PTPN23: variants seen among roughly 807,000 people sequenced by gnomAD.
PTPN23 encodes the protein tyrosine-protein phosphatase non-receptor type 23.
Under a neutral mutation model 156.3 loss-of-function variants are expected in PTPN23, and 72 were observed. That is an observed-to-expected ratio of 0.46 (90% CI 0.38 to 0.56). The LOEUF is 0.56. Among genes scored for constraint, PTPN23 ranks in the 20% least tolerant of loss-of-function variants. The probability of loss-of-function intolerance (pLI) is 0.00; values close to 1 mark genes in which losing one functional copy is unlikely to be tolerated. For missense variants in PTPN23, 1,974 were observed against 2,171.5 expected (o/e 0.91, Z 1.81); for synonymous variants, 957 against 899.6 (o/e 1.06, Z -1.14).
chr3:47,398,687 C>A (rs1704930433), intron 2 of PTPN23, among the ~76,000 whole-genome samples: 1 of 152,104 alleles, frequency 6.6e-6, no homozygotes, highest in South Asian at 2.1e-4. Flanking sequence ...CACTGCAGCC[C>A]CCAAGTAGCT....
chr3:47,381,070 C>T lies in PTPN23; in HGVS notation c.-27C>T, dbSNP rs771726305. 3.1e-5 allele frequency: 48 copies of T among 1,554,260 alleles called. No homozygotes were observed. Among genetic ancestry groups the T allele is most frequent in the Non-Finnish European group, 4.1e-5 (47 of 1,148,488 alleles). On this transcript the variant is annotated 5_prime_UTR_variant, in exon 1 of 25. Transcript: ENST00000265562. ...GCAGCTGCAGCAGCTACGGGAGTGG[C>T]CGGGTGGCCGGCGGGTGCCAGCCGC...
intron 3 of PTPN23, 45 bp from the exon 4 acceptor site, chr3:47,404,960 T>C (rs1167165340): frequency 6.2e-7 from 1 of 1,607,060 alleles, no homozygotes; most frequent in Non-Finnish European, 8.5e-7. Context: ...CTCAGGGCCC[T>C]GGCTAGCTCC....
In PTPN23 at chr3:47,412,607, A is replaced by G. The variant is rs779654845; in HGVS notation, c.4411A>G (p.Ser1471Gly). ...GVPPPCKPLASASISQKNHLP... is the reference protein window; with the variant it reads ...GVPPPCKPLAGASISQKNHLP... ...GCCTCCTCCATGCAAACCCTTGGCC[A>G]GTGCAAGCATCAGCCAGAAGGTGAG... The change falls in exon 24 of 25, where the codon AGT becomes GGT. Residue 1471 changes from serine to glycine, a missense_variant. By Grantham distance (56) the Ser-to-Gly change is moderately conservative. This residue lies in a region of PTPN23 where 484 missense variants were observed against 516.0 expected (regional missense o/e 0.94). Transcript: ENST00000265562. 1.9e-6 allele frequency: 3 copies of G among 1,613,380 alleles called. No homozygotes were observed. The highest frequency in any genetic ancestry group is 2.5e-6 in the Non-Finnish European group (3 of 1,179,848).
At position 47,410,242 on chromosome 3, in the gene PTPN23, T is replaced by C. The variant is rs748624301; in HGVS notation, c.2444T>C (p.Val815Ala). The change falls in exon 20 of 25, where the codon GTA (valine) becomes GCA (alanine). Residue 815 changes from valine to alanine, a missense_variant. Physicochemically the swap from Val to Ala is moderately conservative, Grantham distance 64. Coordinates refer to ENST00000265562, the MANE Select transcript of PTPN23 (RefSeq NM_015466.4). ...GCCCCAGGGCCCCATGCAATGCCCG[T>C]AGCACCTGGGCCTGCCCTCTACCCA... is the stretch of plus-strand genomic sequence containing the variant. ...PRAPGPHAMP[V>A]APGPALYPAP... The C allele has an allele frequency of 1.4e-5, 23 of 1,611,048 alleles. No individual in the cohort carries two copies. In the Middle Eastern group the frequency reaches 1.6e-3, roughly 115 times the overall value.
At position 47,381,183 on chromosome 3, in the gene PTPN23, G is replaced by A. The variant is rs771810583; in HGVS notation, c.84+3G>A. 2.5e-6 allele frequency: 4 copies of A among 1,579,784 alleles called. No homozygotes were observed. The highest frequency in any genetic ancestry group is 2.6e-6 in the Non-Finnish European group (3 of 1,163,452). ...ACTTCCAGCCAGCTGTGAAGAAGGT[G>A]AGCTTGCCTTCCATCTTCCCCCCTA... On this transcript the variant is annotated splice_donor_region_variant and intron_variant, in intron 1 of 24. Transcript: ENST00000265562.
chr3:47,387,570 CA>C (rs10548678), intron 1 of PTPN23, among the ~76,000 whole-genome samples: 60,530 of 135,156 alleles, frequency 0.45, 13,268 homozygotes, highest in African/African-American at 0.56. Context: ...GACCCTGTCT[CA>C]AAAAAAAAAA....
At position 47,411,985 on chromosome 3, in the gene PTPN23, G is replaced by A. The variant is rs773234709; in HGVS notation, c.4073+18G>A. The stretch of plus-strand genomic sequence containing the variant: ...CCTGAGTTGTGAGTCCACTGCTCTG[G>A]ATGGTGGTTGGGGGTCTAAGTGCTG... On this transcript the variant is annotated intron_variant, in intron 21 of 24. Transcript: ENST00000265562. This position sits in a 1 kb window ranked among gnomAD's most constrained non-coding sequence, Gnocchi z 6.3. 2 of 1,608,008 alleles carry A rather than the reference G, an allele frequency of 1.2e-6. No homozygotes were observed. Among genetic ancestry groups the A allele is most frequent in the Non-Finnish European group, 1.7e-6 (2 of 1,176,636 alleles).
chr3:47,381,075 T>C lies in PTPN23; in HGVS notation c.-22T>C. 1 of 1,557,000 alleles carries C rather than the reference T, an allele frequency of 6.4e-7. No homozygotes were observed. Among genetic ancestry groups the C allele is most frequent in the Non-Finnish European group, 8.7e-7 (1 of 1,151,220 alleles). On this transcript the variant is annotated 5_prime_UTR_variant, in exon 1 of 25. Coordinates refer to ENST00000265562, the MANE Select transcript of PTPN23 (RefSeq NM_015466.4). ...TGCAGCAGCTACGGGAGTGGCCGGG[T>C]GGCCGGCGGGTGCCAGCCGCCATGG... is the stretch of plus-strand genomic sequence containing the variant.
chr3:47,413,219 C>CATCA lies in PTPN23; in HGVS notation c.*35_*38dup, dbSNP rs757768995. On this transcript the variant is annotated 3_prime_UTR_variant, in exon 25 of 25. Coordinates refer to ENST00000265562, the MANE Select transcript of PTPN23 (RefSeq NM_015466.4). The stretch of plus-strand genomic sequence containing the variant: ...TGCCTACCTGGTCCTTACACTACAT[C>CATCA]ATCATCATCTCATGCCCACCTGCCC... 4 of 1,566,276 alleles carry CATCA rather than the reference C, an allele frequency of 2.6e-6. No homozygotes were observed. The highest frequency in any genetic ancestry group is 1.8e-5 in the Admixed American group (1 of 56,216).
chr3:47,402,666 T>G (rs1380779149), intron 2 of PTPN23, among the ~76,000 whole-genome samples: 1 of 152,196 alleles, frequency 6.6e-6, no homozygotes, highest in Non-Finnish European at 1.5e-5. Context: ...GTGTACAGTC[T>G]TCTGAATTTT....
At chr3:47,399,119 C>G (rs1704941165) in intron 2 of PTPN23, among the ~76,000 whole-genome samples, 2 of 152,194 alleles carry the variant, frequency 1.3e-5, no homozygotes. Context: ...GAGGAGCTGC[C>G]TCTTTCTCTG....
Position 47,402,830 on chromosome 3 carries a change from C to T in PTPN23, c.160-1822C>T, listed in dbSNP as rs558097531. Among the ~76,000 whole-genome samples, 148 of 152,204 alleles carry T rather than the reference C, an allele frequency of 9.7e-4. 1 individual carries two copies. The highest frequency in any genetic ancestry group is 3.4e-3 in the Middle Eastern group (1 of 294). The stretch of plus-strand genomic sequence containing the variant: ...AAACGATTCTCTTGCCTAAGCCTCC[C>T]GAGTAGCTGGGATTACAGGCACACA... On this transcript the variant is annotated intron_variant, in intron 2 of 24. Transcript: ENST00000265562.
rs1291270330 is a variant in PTPN23 at position 47,413,347 on chromosome 3, T to C, written c.*162T>C. 1.0e-6 allele frequency: 1 copy of C among 984,642 alleles called. No individual in the cohort carries two copies. Among genetic ancestry groups the C allele is most frequent in the Non-Finnish European group, 1.5e-6 (1 of 672,152 alleles). 61.0% of individuals were successfully genotyped at this position (984,642 alleles called of 1,614,324 possible). On this transcript the variant is annotated 3_prime_UTR_variant, in exon 25 of 25. Transcript: ENST00000265562. ...GCACCCCTGTGGGGTGGAAATGTAC[T>C]GCAGGCTCTGGGTCAGGTTCTGCTC...
At chr3:47,403,574 G>A (rs1415495448) in intron 2 of PTPN23, among the ~76,000 whole-genome samples, 1 of 152,076 alleles carries the variant, frequency 6.6e-6, no homozygotes, top group African/African-American at 2.4e-5. Flanking sequence ...CATCACCCAG[G>A]CTGGAAAACA....
In PTPN23 at chr3:47,406,646, G is replaced by A. The variant is rs201701342; in HGVS notation, c.759+34G>A. 920 of 1,613,808 alleles carry A rather than the reference G, an allele frequency of 5.7e-4. 2 individuals carry two copies. The highest frequency in any genetic ancestry group is 7.2e-4 in the Non-Finnish European group (848 of 1,179,980). On this transcript the variant is annotated intron_variant, in intron 8 of 24. Coordinates refer to ENST00000265562, the MANE Select transcript of PTPN23 (RefSeq NM_015466.4). The surrounding 1 kb of genome is among the most constrained non-coding windows in gnomAD (Gnocchi z 5.8). ...CTGGGGCCCCAGGGCGGGGCAGGGC[G>A]GGGCTGAGTGGCCACAGCTCAGGAA... is the stretch of plus-strand genomic sequence containing the variant.
At chr3:47,392,499 T>C (rs2107699239) in intron 1 of PTPN23, among the ~76,000 whole-genome samples, 1 of 152,274 alleles carries the variant, frequency 6.6e-6, no homozygotes, top group Middle Eastern at 3.4e-3. Flanking sequence ...AGGCCACTTT[T>C]TGTAGTTGTG....
chr3:47,406,361 T>C lies in PTPN23; in HGVS notation c.583T>C (p.Leu195=). 6.2e-7 allele frequency: 1 copy of C among 1,613,780 alleles called. No homozygotes were observed. Among genetic ancestry groups the C allele is most frequent in the Admixed American group, 1.7e-5 (1 of 60,026 alleles). ...GGAGTGCCTCCTGGAGAAGTCGATGTTGGACAACAGGAAGAGCTTTCTGGT... is the reference window on the plus strand; with the variant it reads ...GGAGTGCCTCCTGGAGAAGTCGATGCTGGACAACAGGAAGAGCTTTCTGGT... The part of the protein sequence containing the change: ...AQECLLEKSM[L]DNRKSFLVAR... The change falls in exon 7 of 25, where the codon TTG becomes CTG. Residue 195 remains leucine (L), a synonymous_variant. Transcript: ENST00000265562. This position sits in a 1 kb window ranked among gnomAD's most constrained non-coding sequence, Gnocchi z 5.8.
Position 47,409,716 on chromosome 3 carries a change from A to T in PTPN23, c.2011A>T (p.Lys671Ter). 1 of 1,608,072 alleles carries T rather than the reference A, an allele frequency of 6.2e-7. No individual in the cohort carries two copies. Among genetic ancestry groups the T allele is most frequent in the Middle Eastern group, 1.7e-4 (1 of 6,058 alleles). The change falls in exon 19 of 25, where the codon AAG becomes TAG. Residue 671 changes from lysine to a stop codon, truncating the protein, a stop_gained. Coordinates refer to ENST00000265562, the MANE Select transcript of PTPN23 (RefSeq NM_015466.4). LOFTEE classifies it high-confidence loss of function. ...SYEAYEDLMK[K>*]SQEGRDFYAD... ...TGAAGCCTATGAGGACCTGATGAAG[A>T]AGTCGCAGGAGGGCAGGGACTTCTA...
Position 47,411,814 on chromosome 3 carries a change from G to A in PTPN23, c.3920G>A (p.Arg1307Lys). 1.2e-6 allele frequency: 2 copies of A among 1,610,054 alleles called. No homozygotes were observed. Among genetic ancestry groups the A allele is most frequent in the African/African-American group, 1.3e-5 (1 of 74,824 alleles). Residue 1307 changes from arginine (R) to lysine (K), a missense_variant, in exon 21 of 25, where the codon AGG (arginine) becomes AAG (lysine). Coordinates refer to ENST00000265562, the MANE Select transcript of PTPN23 (RefSeq NM_015466.4). This position sits in a 1 kb window ranked among gnomAD's most constrained non-coding sequence, Gnocchi z 6.3. ...GTGGCACGCTACTTCCCCACCGAGAGGGGCCAGCCCATGGTGCACGGTGCC... is the reference window on the plus strand; with the variant it reads ...GTGGCACGCTACTTCCCCACCGAGAAGGGCCAGCCCATGGTGCACGGTGCC... ...QKVARYFPTE[R>K]GQPMVHGALS... is the part of the protein sequence containing the mutation.
Sources: gnomAD v4.1 joint callset for allele counts (sites outside exome capture counted in the v4.1 genomes callset) on GRCh38, gnomAD v4.1.1 for gene constraint, gnomAD v4.1.1 regional missense constraint, Gnocchi (gnomAD v3.1) non-coding constraint, MANE v1.5 for transcripts, NCBI Gene and HGNC (gene_info 2026-07-23, HGNC 2026-07-21) for gene names.